The following LAMA2 variants were observed in gnomAD, a reference collection of about 807,000 sequenced individuals.
LAMA2 encodes laminin subunit alpha 2.
Under a neutral mutation model 364.8 loss-of-function variants are expected in LAMA2, and 269 were observed. The ratio of observed to expected loss-of-function variants is 0.74; its 90% CI spans 0.67 to 0.82. The LOEUF (loss-of-function observed/expected upper bound fraction) is 0.82, where lower values mean the gene tolerates loss of function less well. Among genes scored for constraint, LAMA2 ranks in the 40% least tolerant of loss-of-function variants. The probability of loss-of-function intolerance (pLI) is 0.00; values close to 1 mark genes in which losing one functional copy is unlikely to be tolerated. For synonymous variants in LAMA2, 1,379 were observed against 1,370.6 expected (o/e 1.01, Z -0.14); for missense variants, 3,807 against 3,873.2 (o/e 0.98, Z 0.45).
Position 129,465,158 on chromosome 6 carries a change from G to C in LAMA2, c.7169G>C (p.Ser2390Thr). The stretch of plus-strand genomic sequence containing the variant: ...CTCTATTAATAGAGAGATTTCATGA[G>C]TGTGGAGCTCACTGATGGGCACATA... ...LATRDLRDFMSVELTDGHIKV... is the reference protein window; with the variant it reads ...LATRDLRDFMTVELTDGHIKV... Residue 2390 changes from serine to threonine, a missense_variant, in exon 51 of 65, where the codon AGT becomes ACT. By Grantham distance (58) the Ser-to-Thr change is moderately conservative. Coordinates refer to ENST00000421865, the MANE Select transcript of LAMA2 (RefSeq NM_000426.4). 2.5e-6 allele frequency: 4 copies of C among 1,610,636 alleles called. No homozygotes were observed. Among genetic ancestry groups the C allele is most frequent in the Non-Finnish European group, 3.4e-6 (4 of 1,177,450 alleles).
intron 12 of LAMA2, among the ~76,000 whole-genome samples, chr6:129,200,301 T>A (rs1336997733): frequency 7.2e-6 from 1 of 139,814 alleles, no homozygotes; most frequent in Non-Finnish European, 1.6e-5. Flanking sequence ...CACATATACA[T>A]GTGTGTATAT....
intron 47 of LAMA2, 152 bp from the exon 48 acceptor site, chr6:129,456,183 G>A: frequency 1.3e-6 from 1 of 745,546 alleles, no homozygotes; most frequent in African/African-American, 1.7e-5. Context: ...AATGAATTTG[G>A]AATGTTAGAA....
At chr6:129,130,978 T>G (rs1393084048) in intron 4 of LAMA2, among the ~76,000 whole-genome samples, 1 of 152,204 alleles carries the variant, frequency 6.6e-6, no homozygotes, top group Admixed American at 6.5e-5. Flanking sequence ...CATTATAATT[T>G]TCCTAATTAC....
In LAMA2 at chr6:129,171,213, C is replaced by T. The variant is rs1220259114; in HGVS notation, c.1306+5538C>T. 2.0e-5 allele frequency among the ~76,000 whole-genome samples: 3 copies of T among 152,128 alleles called. No individual in the cohort carries two copies. In the East Asian group the frequency reaches 5.8e-4, roughly 29 times the overall value. The stretch of plus-strand genomic sequence containing the variant: ...TTGTTATGTGTGAATTTGATCCTGT[C>T]ATGATGATGTTAGCTGGTTATTTTG... On this transcript the variant is annotated intron_variant, in intron 9 of 64. Transcript: ENST00000421865.
At chr6:129,294,037 C>A (rs1335318390) in intron 20 of LAMA2, among the ~76,000 whole-genome samples, 3 of 152,120 alleles carry the variant, frequency 2.0e-5, no homozygotes, top group Admixed American at 6.5e-5. Context: ...CAAGAGGTTT[C>A]CTGGGGGAAA....
intron 1 of LAMA2, among the ~76,000 whole-genome samples, chr6:129,046,210 C>T (rs1787478295): frequency 6.6e-6 from 1 of 152,182 alleles, no homozygotes; most frequent in Non-Finnish European, 1.5e-5. Context: ...AAACAAATTA[C>T]TAACAGTGAC....
chr6:129,364,799 A>G (rs1330397241), intron 32 of LAMA2, among the ~76,000 whole-genome samples: 3 of 152,186 alleles, frequency 2.0e-5, no homozygotes, highest in African/African-American at 7.2e-5. Flanking sequence ...TGTAAAGAAA[A>G]GAGGTATAAT....
At chr6:129,466,388 A>G (rs1036111270) in intron 51 of LAMA2, among the ~76,000 whole-genome samples, 4 of 151,940 alleles carry the variant, frequency 2.6e-5, no homozygotes, top group Non-Finnish European at 4.4e-5. Flanking sequence ...AAAAGCATGT[A>G]TGGACATTTC....
At chr6:129,354,373 T>G (rs2114595912) in intron 32 of LAMA2, among the ~76,000 whole-genome samples, 1 of 152,218 alleles carries the variant, frequency 6.6e-6, no homozygotes, top group South Asian at 2.1e-4. Context: ...TGTATTACAC[T>G]GAAAATAAAT....
At chr6:129,413,462 TA>T (rs1192850013) in intron 40 of LAMA2, among the ~76,000 whole-genome samples, 2 of 152,084 alleles carry the variant, frequency 1.3e-5, no homozygotes, top group Non-Finnish European at 2.9e-5. Flanking sequence ...GTCAACTAGA[TA>T]ATTAATTCTA....
chr6:129,239,028 C>T (rs1316278758), intron 12 of LAMA2, among the ~76,000 whole-genome samples: 1 of 152,048 alleles, frequency 6.6e-6, no homozygotes, highest in Non-Finnish European at 1.5e-5. Flanking sequence ...TGGGCAGTTA[C>T]AATATTTTGG....
chr6:128,946,446 G>T (rs1427796976), intron 1 of LAMA2, among the ~76,000 whole-genome samples: 1 of 152,146 alleles, frequency 6.6e-6, no homozygotes, highest in African/African-American at 2.4e-5. Context: ...CCCCTGCCCA[G>T]CATCACAGAG....
intron 10 of LAMA2, among the ~76,000 whole-genome samples, chr6:129,183,019 G>T (rs1009884844): frequency 6.6e-6 from 1 of 151,858 alleles, no homozygotes; most frequent in African/African-American, 2.4e-5. Flanking sequence ...TTACACATAA[G>T]ATTTTCTCTT....
At chr6:129,020,510 C>T (rs546089803) in intron 1 of LAMA2, among the ~76,000 whole-genome samples, 1 of 152,204 alleles carries the variant, frequency 6.6e-6, no homozygotes, top group East Asian at 1.9e-4. Context: ...CTTAAAGTCT[C>T]TTAGTAGGTG....
At chr6:129,391,264 T>C (rs564884599) in intron 35 of LAMA2, among the ~76,000 whole-genome samples, 1 of 152,300 alleles carries the variant, frequency 6.6e-6, no homozygotes, top group East Asian at 1.9e-4. Flanking sequence ...AGAAACACCA[T>C]GCTTTAATTG....
At chr6:129,038,927 A>G (rs1786876160) in intron 1 of LAMA2, among the ~76,000 whole-genome samples, 1 of 152,232 alleles carries the variant, frequency 6.6e-6, no homozygotes, top group Non-Finnish European at 1.5e-5. Flanking sequence ...TAGCTAGTGT[A>G]CCAAAACAGT....
chr6:129,087,227 T>G (rs1332668944), intron 3 of LAMA2, among the ~76,000 whole-genome samples: 1 of 152,238 alleles, frequency 6.6e-6, no homozygotes, highest in Non-Finnish European at 1.5e-5. Context: ...ATTTCAATTT[T>G]CTAATCAGTT....
intron 1 of LAMA2, among the ~76,000 whole-genome samples, chr6:128,890,542 TACACAC>T (rs56972149): frequency 7.5e-5 from 11 of 147,338 alleles, no homozygotes; most frequent in Admixed American, 1.4e-4. Context: ...TTCATTTAAA[TACACAC>T]ACACACACAC....
rs188153209 is a variant in LAMA2, at chr6:129,068,346, T to G, written c.396+8450T>G. The stretch of plus-strand genomic sequence containing the variant: ...ATAACAAAGTACCAGATGAGGTGGC[T>G]TATAAACTGCAGCAATTTATTTCTC... On this transcript the variant is annotated intron_variant, in intron 3 of 64. Coordinates refer to ENST00000421865, the MANE Select transcript of LAMA2 (RefSeq NM_000426.4). Among the ~76,000 whole-genome samples the G allele has an allele frequency of 2.0e-5, 3 of 152,342 alleles. No individual in the cohort carries two copies. In the East Asian group the frequency reaches 5.8e-4, roughly 29 times the overall value.
Sources: gnomAD v4.1 joint callset for allele counts (sites outside exome capture counted in the v4.1 genomes callset) on GRCh38, gnomAD v4.1.1 for gene constraint, MANE v1.5 for transcripts, NCBI Gene and HGNC (gene_info 2026-07-23, HGNC 2026-07-21) for gene names.